Variants in ZMIZ2 observed in about 807,000 individuals in gnomAD.
The protein encoded by ZMIZ2 is zinc finger MIZ domain-containing protein 2.
In ZMIZ2, 26 loss-of-function variants were observed where a neutral mutation model predicts 93.9. The ratio of observed to expected loss-of-function variants is 0.28; its 90% CI spans 0.20 to 0.38. The LOEUF (loss-of-function observed/expected upper bound fraction) is 0.38, where lower values mean the gene tolerates loss of function less well. ZMIZ2 is among the 10% of genes least tolerant of loss of function. ZMIZ2 has a pLI of 1.00. For synonymous variants in ZMIZ2, 485 were observed against 516.4 expected (o/e 0.94, Z 0.82); for missense variants, 1,023 against 1,235.0 (o/e 0.83, Z 2.57).
intron 9 of ZMIZ2, 118 bp downstream of exon 9, chr7:44,760,711 C>A: frequency 7.7e-7 from 1 of 1,306,826 alleles, no homozygotes; most frequent in Non-Finnish European, 1.1e-6. Context: ...TGCCATATCC[C>A]TAAGAAAAGG....
At chr7:44,751,624 G>T (rs539689163) in intron 1 of ZMIZ2, among the ~76,000 whole-genome samples, 2 of 152,392 alleles carry the variant, frequency 1.3e-5, no homozygotes, top group South Asian at 2.1e-4. Flanking sequence ...GAGACAGAAG[G>T]CTGGTGGTAG....
At chr7:44,757,600 C>A in intron 5 of ZMIZ2, 39 bp downstream of exon 5, 1 of 1,551,828 alleles carries the variant, frequency 6.4e-7, no homozygotes, top group Non-Finnish European at 8.7e-7. Context: ...TGGCAGCCAG[C>A]CTGAGGGCCT....
At position 44,765,270 on chromosome 7, in the gene ZMIZ2, G is replaced by A. The variant is rs1791587246; in HGVS notation, c.1998-65G>A. On this transcript the variant is annotated intron_variant, in intron 15 of 18. Coordinates refer to ENST00000309315, the MANE Select transcript of ZMIZ2 (RefSeq NM_031449.4). This position sits in a 1 kb window ranked among gnomAD's most constrained non-coding sequence, Gnocchi z 4.1. ...GCCTGGAAACAGCCCAGGGCTGGGA[G>A]GGGCAGTGGGTGCCGGGCCAGCAGC... 6.3e-7 allele frequency: 1 copy of A among 1,594,528 alleles called. No homozygotes were observed. Among genetic ancestry groups the A allele is most frequent in the Non-Finnish European group, 8.6e-7 (1 of 1,169,398 alleles).
In ZMIZ2 at chr7:44,759,397, G is replaced by A; in HGVS notation, c.930G>A (p.Leu310=). The change falls in exon 7 of 19, where the codon CTG becomes CTA. Residue 310 remains leucine, a synonymous_variant. Coordinates refer to ENST00000309315, the MANE Select transcript of ZMIZ2 (RefSeq NM_031449.4). ...CCCCTTCCTACCCTGGGCACAGGCT[G>A]CCCCTGCAGCAGGGCATGACCCAGT... ...APSPSYPGHR[L]PLQQGMTQSL... 1 of 1,603,742 alleles carries A rather than the reference G, an allele frequency of 6.2e-7. No homozygotes were observed. Among genetic ancestry groups the A allele is most frequent in the Non-Finnish European group, 8.5e-7 (1 of 1,175,506 alleles).
chr7:44,750,987 G>C (rs1423306765), intron 1 of ZMIZ2: 1 of 152,240 alleles, frequency 6.6e-6, no homozygotes, highest in Admixed American at 6.5e-5. Flanking sequence ...CAGGGTCAAG[G>C]ATACCAGACC....
rs1262905783 is a variant in ZMIZ2, at chr7:44,767,721, C to T, written c.*98C>T. 13 of 1,077,482 alleles carry T rather than the reference C, an allele frequency of 1.2e-5. No individual in the cohort carries two copies. The highest frequency in any genetic ancestry group is 1.8e-5 in the Non-Finnish European group (13 of 719,330). 66.7% of individuals were successfully genotyped at this position (1,077,482 alleles called of 1,614,324 possible). ...CCCATGGGACACCCGGTGGTCTTTC[C>T]CAAACCTCCCCCAAAACACACCTGG... On this transcript the variant is annotated 3_prime_UTR_variant, in exon 19 of 19. Coordinates refer to ENST00000309315, the MANE Select transcript of ZMIZ2 (RefSeq NM_031449.4).
chr7:44,760,333 G>A (rs1272766957), intron 8 of ZMIZ2, 92 bp from the exon 9 acceptor site: 3 of 1,575,226 alleles, frequency 1.9e-6, no homozygotes, highest in Non-Finnish European at 2.6e-6. Flanking sequence ...GTCCACCTCT[G>A]TTATCATGGT....
At chr7:44,760,021 T>A in intron 7 of ZMIZ2, 130 bp from the exon 8 acceptor site, 6 of 927,850 alleles carry the variant, frequency 6.5e-6, no homozygotes, top group Non-Finnish European at 1.0e-5. Context: ...GTAGTGTTAC[T>A]TGTAGATTAT....
In ZMIZ2 at chr7:44,765,639, C is replaced by T; in HGVS notation, c.2242+60C>T. ...ACCCTGGGCATATGGCTCCTCTCCC[C>T]AGATCAGTCTCCTCACCTGCAAGAA... On this transcript the variant is annotated intron_variant, in intron 16 of 18. Transcript: ENST00000309315. The surrounding 1 kb of genome is among the most constrained non-coding windows in gnomAD (Gnocchi z 4.1). 3 of 1,556,520 alleles carry T rather than the reference C, an allele frequency of 1.9e-6. No homozygotes were observed. Among genetic ancestry groups the T allele is most frequent in the Admixed American group, 1.7e-5 (1 of 57,838 alleles).
In ZMIZ2 at chr7:44,766,688, G is replaced by C. The variant is rs1791744845; in HGVS notation, c.2655+25G>C. On this transcript the variant is annotated intron_variant, in intron 18 of 18. Transcript: ENST00000309315. This position sits in a 1 kb window ranked among gnomAD's most constrained non-coding sequence, Gnocchi z 4.4. ...CGTGAGTACCAGGCCCCATGCGGGGGAGTGCGTGGGAGCCAGGGCTAGAGG... is the reference window on the plus strand; with the variant it reads ...CGTGAGTACCAGGCCCCATGCGGGGCAGTGCGTGGGAGCCAGGGCTAGAGG... The C allele has an allele frequency of 6.2e-7, 1 of 1,608,756 alleles. No homozygotes were observed. The highest frequency in any genetic ancestry group is 8.5e-7 in the Non-Finnish European group (1 of 1,176,962).
At position 44,765,759 on chromosome 7, in the gene ZMIZ2, G is replaced by C. The variant is rs560056223; in HGVS notation, c.2242+180G>C. 1 of 1,074,962 alleles carries C rather than the reference G, an allele frequency of 9.3e-7. No individual in the cohort carries two copies. 66.6% of individuals were successfully genotyped at this position (1,074,962 alleles called of 1,614,324 possible). A position where few individuals can be genotyped will look rare whatever the true frequency, so the allele number is the denominator to read the frequency against. On this transcript the variant is annotated intron_variant, in intron 16 of 18. Transcript: ENST00000309315. This position sits in a 1 kb window ranked among gnomAD's most constrained non-coding sequence, Gnocchi z 4.1. ...GCCCCTCCCATCTCAGGGACGTGGC[G>C]GTGAAGGCACAGTCTCAGCTATGGT...
Position 44,769,590 on chromosome 7 carries a change from C to T in ZMIZ2, c.*1967C>T, listed in dbSNP as rs1285155039. Reference sequence around the variant, plus strand: ...CCATGGCCTGATGCAGGCCCCAGGCCCTCCTTTCTTGGGTGTCAAATGACT... The same window carrying T: ...CCATGGCCTGATGCAGGCCCCAGGCTCTCCTTTCTTGGGTGTCAAATGACT... On this transcript the variant is annotated 3_prime_UTR_variant, in exon 19 of 19. Coordinates refer to ENST00000309315, the MANE Select transcript of ZMIZ2 (RefSeq NM_031449.4). The T allele has an allele frequency of 1.3e-5, 2 of 152,694 alleles. No homozygotes were observed. Among genetic ancestry groups the T allele is most frequent in the Non-Finnish European group, 2.9e-5 (2 of 68,104 alleles). 9.5% of individuals were successfully genotyped at this position (152,694 alleles called of 1,614,324 possible). A position where few individuals can be genotyped will look rare whatever the true frequency, so the allele number is the denominator to read the frequency against.
At position 44,767,509 on chromosome 7, in the gene ZMIZ2, TC is replaced by T. The variant is rs773817033; in HGVS notation, c.2656-5del. 1 of 1,613,166 alleles carries T rather than the reference TC, an allele frequency of 6.2e-7. No individual in the cohort carries two copies. Among genetic ancestry groups the T allele is most frequent in the Non-Finnish European group, 8.5e-7 (1 of 1,179,180 alleles). Reference sequence around the variant, plus strand: ...AAAGCTGCTAACAGAGTTCACTTTGTCCTCAGCTGCTCCCGGAACTGACCAA... The same window carrying T: ...AAAGCTGCTAACAGAGTTCACTTTGTCTCAGCTGCTCCCGGAACTGACCAA... On this transcript the variant is annotated splice_region_variant and splice_polypyrimidine_tract_variant and intron_variant, in intron 18 of 18. Transcript: ENST00000309315.
rs542467118 is a variant in ZMIZ2 at position 44,765,908 on chromosome 7, G to A, written c.2243-256G>A. 1.8e-5 allele frequency: 25 copies of A among 1,388,606 alleles called. No homozygotes were observed. The highest frequency in any genetic ancestry group is 8.1e-5 in the East Asian group (3 of 36,914). 86.0% of individuals were successfully genotyped at this position (1,388,606 alleles called of 1,614,324 possible). On this transcript the variant is annotated intron_variant, in intron 16 of 18. Coordinates refer to ENST00000309315, the MANE Select transcript of ZMIZ2 (RefSeq NM_031449.4). This position sits in a 1 kb window ranked among gnomAD's most constrained non-coding sequence, Gnocchi z 4.1. ...CCCCTCTGGGACCCACCTCACACGC[G>A]TGGTGCGTTTGTTTGTGGCTGCTCC...
chr7:44,757,858 G>C lies in ZMIZ2; in HGVS notation c.563G>C (p.Gly188Ala). ...TTTTTCTCTTCCTAGATGGGGGCCG[G>C]ACAGTCTTTTAACAGCCAGTTTCTG... The part of the protein sequence containing the change: ...ELSQYGAMGA[G>A]QSFNSQFLQH... Residue 188 changes from glycine to alanine, a missense_variant, in exon 6 of 19, where the codon GGA becomes GCA. This residue lies in a region of ZMIZ2 where 656 missense variants were observed against 777.1 expected (regional missense o/e 0.84). Transcript: ENST00000309315. 1.3e-6 allele frequency: 2 copies of C among 1,576,276 alleles called. No individual in the cohort carries two copies.
Position 44,757,932 on chromosome 7 carries a change from A to G in ZMIZ2, c.637A>G (p.Thr213Ala), listed in dbSNP as rs371754478. 1 of 1,611,986 alleles carries G rather than the reference A, an allele frequency of 6.2e-7. No homozygotes were observed. Among genetic ancestry groups the G allele is most frequent in the Non-Finnish European group, 8.5e-7 (1 of 1,179,026 alleles). ...TAGTGTCCCCGCTGGCATGAACCCT[A>G]CTGGCATAGGAGGGGTAATGGGCCC... Reference protein sequence around the residue: ...GPSVPAGMNPTGIGGVMGPSG... With the variant: ...GPSVPAGMNPAGIGGVMGPSG... The change falls in exon 6 of 19, where the codon ACT (threonine) becomes GCT (alanine). Residue 213 changes from threonine to alanine, a missense_variant. Transcript: ENST00000309315.
In ZMIZ2 at chr7:44,765,389, C is replaced by G. The variant is rs371659087; in HGVS notation, c.2052C>G (p.Pro684=). 4 of 1,613,310 alleles carry G rather than the reference C, an allele frequency of 2.5e-6. No homozygotes were observed. Among genetic ancestry groups the G allele is most frequent in the South Asian group, 1.1e-5 (1 of 91,082 alleles). The change falls in exon 16 of 19, where the codon CCC becomes CCG. Residue 684 remains proline, a synonymous_variant. Coordinates refer to ENST00000309315, the MANE Select transcript of ZMIZ2 (RefSeq NM_031449.4). The surrounding 1 kb of genome is among the most constrained non-coding windows in gnomAD (Gnocchi z 4.1). The stretch of plus-strand genomic sequence containing the variant: ...CCACGTGCAGCTGGAAGCCAGTGCC[C>G]GTGAAGCCTGACATGCACATCAAGG... ...IDPTCSWKPV[P]VKPDMHIKEE... is the part of the protein sequence containing the mutation.
chr7:44,755,993 T>G (rs1030594743), intron 1 of ZMIZ2, among the ~76,000 whole-genome samples, 195 bp from the exon 2 acceptor site: 1 of 152,054 alleles, frequency 6.6e-6, no homozygotes. Flanking sequence ...CAGGCTGTAT[T>G]TGTGGGGGCA....
chr7:44,751,601 C>A (rs908519264), intron 1 of ZMIZ2, among the ~76,000 whole-genome samples: 11 of 152,238 alleles, frequency 7.2e-5, no homozygotes, highest in Non-Finnish European at 1.3e-4. Flanking sequence ...AAGATTGTCA[C>A]AGCAGTTCTG....
Sources: gnomAD v4.1 joint callset for allele counts (sites outside exome capture counted in the v4.1 genomes callset) on GRCh38, gnomAD v4.1.1 for gene constraint, gnomAD v4.1.1 regional missense constraint, Gnocchi (gnomAD v3.1) non-coding constraint, MANE v1.5 for transcripts, NCBI Gene and HGNC (gene_info 2026-07-23, HGNC 2026-07-21) for gene names.